Variants in FOXP1 observed in about 807,000 individuals in gnomAD.
FOXP1 encodes forkhead box P1.
A neutral mutation model predicts 98.2 loss-of-function variants in FOXP1; 15 were observed. The observed-to-expected ratio is 0.15, with a 90% CI of 0.10 to 0.24. The LOEUF (loss-of-function observed/expected upper bound fraction) is 0.24. Ranked by LOEUF, FOXP1 falls within the 10% of genes least tolerant of loss-of-function variation. FOXP1 has a pLI of 1.00. For synonymous variants in FOXP1, 371 were observed against 314.5 expected (o/e 1.18, Z -1.90); for missense variants, 633 against 848.5 (o/e 0.75, Z 3.15).
chr3:71,000,397 G>A (rs2041962631), intron 13 of FOXP1, among the ~76,000 whole-genome samples: 2 of 151,892 alleles, frequency 1.3e-5, no homozygotes, highest in African/African-American at 4.8e-5. Context: ...TATTCTTAGT[G>A]GTGGAGAGAA....
chr3:71,394,801 C>T (rs753564929), intron 3 of FOXP1, among the ~76,000 whole-genome samples: 2 of 151,958 alleles, frequency 1.3e-5, no homozygotes, highest in African/African-American at 4.8e-5. Context: ...TGGCTCTTAA[C>T]GAAAGAATTG....
intron 2 of FOXP1, among the ~76,000 whole-genome samples, chr3:71,556,329 G>C (rs556620744): frequency 2.0e-5 from 3 of 152,156 alleles, no homozygotes; most frequent in Non-Finnish European, 2.9e-5. Context: ...TGTAATCCCA[G>C]CACTTTGGGA....
chr3:71,096,795 C>T (rs2056498754), intron 7 of FOXP1, among the ~76,000 whole-genome samples: 1 of 152,090 alleles, frequency 6.6e-6, no homozygotes, highest in African/African-American at 2.4e-5. Flanking sequence ...GGGTACCTTC[C>T]TCAATATCAC....
At chr3:71,301,378 C>T (rs547318402) in intron 4 of FOXP1, among the ~76,000 whole-genome samples, 2 of 152,186 alleles carry the variant, frequency 1.3e-5, no homozygotes, top group African/African-American at 4.8e-5. Context: ...CAAGGTAGAG[C>T]TAAGATCTGC....
chr3:71,544,378 G>GAA (rs941386722), intron 2 of FOXP1, among the ~76,000 whole-genome samples: 5 of 120,718 alleles, frequency 4.1e-5, no homozygotes, highest in East Asian at 2.3e-4. Context: ...TAAAGAAATG[G>GAA]AAAAAAAAAA....
intron 9 of FOXP1, among the ~76,000 whole-genome samples, chr3:71,052,260 C>A (rs1456833193): frequency 6.6e-6 from 1 of 152,210 alleles, no homozygotes; most frequent in East Asian, 1.9e-4. Context: ...TCAGTTGTTA[C>A]CAGGTTGCAA....
rs575183554 is a variant in FOXP1, at chr3:71,444,201, C to T, written c.-168+49225G>A. Among the ~76,000 whole-genome samples, 20 of 152,290 alleles carry T rather than the reference C, an allele frequency of 1.3e-4. No homozygotes were observed. The South Asian group carries it at 2.3e-3, about 17-fold the overall frequency. ...TCGGCCTACTTCCCTATTTTCAATGCCTAATGATTTTTGCTGCGCCTGAAC... is the reference window on the plus strand; with the variant it reads ...TCGGCCTACTTCCCTATTTTCAATGTCTAATGATTTTTGCTGCGCCTGAAC... On this transcript the variant is annotated intron_variant, in intron 3 of 20. Coordinates refer to ENST00000649528, the MANE Select transcript of FOXP1 (RefSeq NM_001349338.3).
rs147780588 is a variant in FOXP1, at chr3:71,083,033, C to T, written c.283-29260G>A. ...TGGTTTTAAGGGAGCCAACATCATCCGGGGGATGCAGGGGTGGATATAATG... is the reference window on the plus strand; with the variant it reads ...TGGTTTTAAGGGAGCCAACATCATCTGGGGGATGCAGGGGTGGATATAATG... On this transcript the variant is annotated intron_variant, in intron 7 of 20. Transcript: ENST00000649528. Among the ~76,000 whole-genome samples the T allele has an allele frequency of 1.4e-4, 22 of 152,268 alleles. No homozygotes were observed. The South Asian group carries it at 1.5e-3, about 10-fold the overall frequency.
chr3:71,423,873 T>G (rs1376685716), intron 3 of FOXP1, among the ~76,000 whole-genome samples: 4 of 152,364 alleles, frequency 2.6e-5, no homozygotes, highest in African/African-American at 9.6e-5. Context: ...GTCACATGAT[T>G]TCATGAATGG....
Position 70,956,778 on chromosome 3 carries a change from T to G in FOXP1, c.*2469A>C, listed in dbSNP as rs959022508. 1.1e-5 allele frequency: 2 copies of G among 182,196 alleles called. No homozygotes were observed. The highest frequency in any genetic ancestry group is 2.1e-5 in the Non-Finnish European group (2 of 93,864). 11.3% of individuals were successfully genotyped at this position (182,196 alleles called of 1,614,324 possible). On this transcript the variant is annotated 3_prime_UTR_variant, in exon 21 of 21. Transcript: ENST00000649528. ...TTTTTTTTTTTTTTTTTTTTTAAAG[T>G]CTTGCGTGACCACAGACTGCCCTTT...
intron 2 of FOXP1, among the ~76,000 whole-genome samples, chr3:71,513,088 T>C (rs1223587195): frequency 6.6e-6 from 1 of 152,178 alleles, no homozygotes; most frequent in African/African-American, 2.4e-5. Context: ...ACCTGGCCCA[T>C]ACCTCTTTCC....
At chr3:71,295,552 A>G (rs1482493363) in intron 5 of FOXP1, among the ~76,000 whole-genome samples, 1 of 145,330 alleles carries the variant, frequency 6.9e-6, no homozygotes, top group Non-Finnish European at 1.5e-5. Context: ...TTTCTCTCAA[A>G]TAACCTGACT....
chr3:71,232,691 G>A (rs1213228067), intron 5 of FOXP1, among the ~76,000 whole-genome samples: 1 of 151,656 alleles, frequency 6.6e-6, no homozygotes, highest in Non-Finnish European at 1.5e-5. Flanking sequence ...TTGAGTTCAG[G>A]AGTTCGAGAC....
At chr3:71,396,635 A>G (rs1692484841) in intron 3 of FOXP1, among the ~76,000 whole-genome samples, 1 of 151,924 alleles carries the variant, frequency 6.6e-6, no homozygotes. Context: ...ATTCCAGTTC[A>G]GACTGACTAC....
intron 12 of FOXP1, among the ~76,000 whole-genome samples, chr3:71,009,160 G>A (rs1321199165): frequency 1.3e-5 from 1 of 76,332 alleles, no homozygotes; most frequent in African/African-American, 5.6e-5. Flanking sequence ...GGGGGCGGGG[G>A]GGGGGGGGCG....
chr3:71,171,994 C>G (rs1175164655), intron 6 of FOXP1, among the ~76,000 whole-genome samples: 5 of 152,188 alleles, frequency 3.3e-5, no homozygotes, highest in Non-Finnish European at 5.9e-5. Flanking sequence ...TCTCCCCCAC[C>G]TAATAATCTC....
chr3:71,047,927 G>A (rs1193308438), intron 9 of FOXP1, among the ~76,000 whole-genome samples: 1 of 152,170 alleles, frequency 6.6e-6, no homozygotes, highest in Non-Finnish European at 1.5e-5. Flanking sequence ...TCATTCCTGT[G>A]TTTAGCAGGC....
At chr3:71,473,965 A>G (rs2089590910) in intron 3 of FOXP1, among the ~76,000 whole-genome samples, 1 of 152,226 alleles carries the variant, frequency 6.6e-6, no homozygotes, top group African/African-American at 2.4e-5. Context: ...GGCACAGAGT[A>G]GGCACCTAAT....
At position 71,164,007 on chromosome 3, in the gene FOXP1, G is replaced by T. The variant is rs912901116; in HGVS notation, c.180+34195C>A. 3.6e-4 allele frequency among the ~76,000 whole-genome samples: 55 copies of T among 152,116 alleles called. 1 individual carries two copies. The highest frequency in any genetic ancestry group is 1.2e-3 in the African/African-American group (51 of 41,424). ...TGAATGTCTGCCTGGCAGAACATGA[G>T]TCTGTCTGTAAAATTCTGCACAGAC... On this transcript the variant is annotated intron_variant, in intron 6 of 20. Coordinates refer to ENST00000649528, the MANE Select transcript of FOXP1 (RefSeq NM_001349338.3).
Sources: gnomAD v4.1 joint callset for allele counts (sites outside exome capture counted in the v4.1 genomes callset) on GRCh38, gnomAD v4.1.1 for gene constraint, MANE v1.5 for transcripts, NCBI Gene and HGNC (gene_info 2026-07-23, HGNC 2026-07-21) for gene names.